Variants in SORBS2 observed in about 807,000 individuals in gnomAD.
The protein encoded by SORBS2 is sorbin and SH3 domain-containing protein 2.
In SORBS2, 46 loss-of-function variants were observed where a neutral mutation model predicts 97.7. The observed-to-expected ratio is 0.47, with a 90% confidence interval of 0.37 to 0.60. SORBS2 has a LOEUF of 0.60. SORBS2 is among the 20% of genes least tolerant of loss of function. The pLI, the probability that SORBS2 is intolerant of heterozygous loss-of-function variation, is 0.00. For synonymous variants in SORBS2, 476 were observed against 473.4 expected (o/e 1.01, Z -0.07); for missense variants, 1,316 against 1,282.3 (o/e 1.03, Z -0.40).
At chr4:185,855,538 C>T (rs1008093312) in intron 1 of SORBS2, among the ~76,000 whole-genome samples, 1 of 152,098 alleles carries the variant, frequency 6.6e-6, no homozygotes, top group Admixed American at 6.5e-5. Flanking sequence ...AAGGGCTTTT[C>T]ATTTCCTTAA....
chr4:185,687,031 T>G (rs1355081038), intron 2 of SORBS2, among the ~76,000 whole-genome samples: 1 of 152,200 alleles, frequency 6.6e-6, no homozygotes, highest in Non-Finnish European at 1.5e-5. Flanking sequence ...GCAAGTACCA[T>G]CTGAAGAACA....
In SORBS2 at chr4:185,921,351, G is replaced by A. The variant is rs79086264; in HGVS notation, c.-338+34845C>T. 9.9e-5 allele frequency among the ~76,000 whole-genome samples: 15 copies of A among 152,258 alleles called. No individual in the cohort carries two copies. The East Asian group carries it at 1.4e-3, about 14-fold the overall frequency. ...TTTTTTATAACGTGACTTCAAAACCGAATCTGTTACGGAGTTGCTCAAGTT... is the reference window on the plus strand; with the variant it reads ...TTTTTTATAACGTGACTTCAAAACCAAATCTGTTACGGAGTTGCTCAAGTT... On this transcript the variant is annotated intron_variant, in intron 1 of 20. Coordinates refer to the SORBS2 transcript ENST00000284776.
intron 2 of SORBS2, among the ~76,000 whole-genome samples, chr4:185,750,061 C>A (rs967746743): frequency 1.3e-5 from 2 of 152,236 alleles, no homozygotes; most frequent in African/African-American, 2.4e-5. Flanking sequence ...TTCAGATCTG[C>A]ATGTTGCAGA....
chr4:185,853,788 C>G (rs1045048595), intron 1 of SORBS2, among the ~76,000 whole-genome samples: 1 of 152,022 alleles, frequency 6.6e-6, no homozygotes, highest in Admixed American at 6.6e-5. Context: ...TGTCTAAGAA[C>G]CTGGAATGAG....
intron 1 of SORBS2, among the ~76,000 whole-genome samples, chr4:185,781,440 G>A (rs573485923): frequency 1.3e-5 from 2 of 152,206 alleles, no homozygotes; most frequent in South Asian, 4.2e-4. Context: ...CTGGTGTTCT[G>A]CAGCATTTCT....
At chr4:185,731,683 CCTCTCTCCCTCCCTCCCTGCCTGT>C (rs2098632566) in intron 2 of SORBS2, among the ~76,000 whole-genome samples, 3 of 72,642 alleles carry the variant, frequency 4.1e-5, no homozygotes, top group Admixed American at 1.5e-4. Flanking sequence ...TCCCTCCCTG[CCTCTCTCCCTCCCTCCCTGCCTGT>C]CTCTCTCCCT....
intron 4 of SORBS2, among the ~76,000 whole-genome samples, chr4:185,673,734 C>G (rs1047596781): frequency 6.6e-6 from 1 of 152,192 alleles, no homozygotes; most frequent in African/African-American, 2.4e-5. Context: ...GATCTTGAAA[C>G]AGCTGACTGC....
At chr4:185,671,817 A>T (rs1255021681) in intron 4 of SORBS2, among the ~76,000 whole-genome samples, 1 of 152,228 alleles carries the variant, frequency 6.6e-6, no homozygotes, top group Non-Finnish European at 1.5e-5. Flanking sequence ...AGAAATGGCC[A>T]AGCACTGGAC....
At chr4:185,794,064 T>C (rs747258933) in intron 1 of SORBS2, among the ~76,000 whole-genome samples, 5 of 152,236 alleles carry the variant, frequency 3.3e-5, no homozygotes, top group Non-Finnish European at 5.9e-5. Flanking sequence ...GCATTTGTTT[T>C]ACTTTCTTTT....
intron 12 of SORBS2, among the ~76,000 whole-genome samples, chr4:185,594,274 A>C (rs1210166638): frequency 3.9e-5 from 6 of 152,232 alleles, no homozygotes; most frequent in Non-Finnish European, 8.8e-5. Flanking sequence ...AGAATAGGAA[A>C]TATAGACACC....
intron 4 of SORBS2, among the ~76,000 whole-genome samples, chr4:185,667,962 G>A (rs1015050132): frequency 2.6e-5 from 4 of 151,922 alleles, no homozygotes; most frequent in South Asian, 2.1e-4. Context: ...TTTGGATAGC[G>A]TCAATGAAAT....
chr4:185,624,320 T>G lies in SORBS2; in HGVS notation c.809A>C (p.Glu270Ala), dbSNP rs745781281. The change falls in exon 7 of 15, where the codon GAA becomes GCA. Residue 270 changes from glutamate (E) to alanine (A), a missense_variant. Glu to Ala is a moderately radical substitution (Grantham distance 107). Coordinates refer to ENST00000418609, the Ensembl canonical transcript of SORBS2. ...GGTTTCTTCCGTGCTGCTCCAGATT[T>G]CTGCGTTTTGCCGGGCCATTTGCCA... 1.2e-6 allele frequency: 2 copies of G among 1,614,200 alleles called. No homozygotes were observed. The highest frequency in any genetic ancestry group is 4.5e-5 in the East Asian group (2 of 44,876).
chr4:185,667,114 T>G (rs1347156063), intron 4 of SORBS2, among the ~76,000 whole-genome samples: 1 of 152,168 alleles, frequency 6.6e-6, no homozygotes, highest in African/African-American at 2.4e-5. Context: ...TGAATAAAAC[T>G]CCGAAGCAAC....
At chr4:185,674,378 A>G (rs1355415186) in intron 4 of SORBS2, among the ~76,000 whole-genome samples, 1 of 151,942 alleles carries the variant, frequency 6.6e-6, no homozygotes, top group Non-Finnish European at 1.5e-5. Flanking sequence ...ATACATTCTC[A>G]CAGTCTGATT....
intron 4 of SORBS2, among the ~76,000 whole-genome samples, chr4:185,674,733 C>A (rs1252599340): frequency 6.6e-6 from 1 of 152,108 alleles, no homozygotes; most frequent in African/African-American, 2.4e-5. Flanking sequence ...CTGGTCCTCC[C>A]ACAGCCCCAG....
rs3833628 is a variant in SORBS2 at position 185,611,864 on chromosome 4, GTTC to G, written c.2709_2711del (p.Lys903del). On this transcript the variant is annotated inframe_deletion, in exon 12 of 15. Coordinates refer to ENST00000418609, the Ensembl canonical transcript of SORBS2. ...CAGGGTAGTCCTCAGCACCTTTTGT[GTTC>G]TTCTTGACGACCTCCACATAGGAAA... 3.2e-4 allele frequency: 509 copies of G among 1,614,026 alleles called. 5 individuals carry two copies. The East Asian group carries it at 0.011, about 35-fold the overall frequency.
intron 1 of SORBS2, among the ~76,000 whole-genome samples, chr4:185,653,626 T>C (rs181141078): frequency 2.6e-4 from 39 of 152,336 alleles, no homozygotes; most frequent in Non-Finnish European, 4.3e-4. Context: ...ACACAAGACC[T>C]AGAACAATGC....
rs910861136 is a variant in SORBS2, at chr4:185,598,849, A to C, written c.2797-4914T>G. On this transcript the variant is annotated intron_variant, in intron 12 of 14. Coordinates refer to ENST00000418609, the Ensembl canonical transcript of SORBS2. ...CACACAAACACACGTGTAATCTGACATACAAATACATAATGTAAAAATCAG... is the reference window on the plus strand; with the variant it reads ...CACACAAACACACGTGTAATCTGACCTACAAATACATAATGTAAAAATCAG... Among the ~76,000 whole-genome samples, 25 of 152,210 alleles carry C rather than the reference A, an allele frequency of 1.6e-4. No homozygotes were observed. The South Asian group carries it at 5.2e-3, about 32-fold the overall frequency.
chr4:185,921,635 G>A (rs13140248), intron 1 of SORBS2, among the ~76,000 whole-genome samples: 57,526 of 151,994 alleles, frequency 0.38, 11,056 homozygotes, highest in East Asian at 0.57. Context: ...GAAGTAGAAA[G>A]TATATTTCTG....
Sources: gnomAD v4.1 joint callset for allele counts (sites outside exome capture counted in the v4.1 genomes callset) on GRCh38, gnomAD v4.1.1 for gene constraint, MANE v1.5 for transcripts, NCBI Gene and HGNC (gene_info 2026-07-23, HGNC 2026-07-21) for gene names.